AAMDC: variants seen among roughly 807,000 people sequenced by gnomAD.
AAMDC encodes the protein mth938 domain-containing protein.
In AAMDC, 16 loss-of-function variants were observed where a neutral mutation model predicts 15.5. The observed-to-expected ratio is 1.03, with a 90% CI of 0.70 to 1.57. The LOEUF is 1.57. AAMDC is among the 40% of genes most tolerant of loss of function. AAMDC has a pLI of 0.00. For missense variants in AAMDC, 141 were observed against 144.9 expected (o/e 0.97, Z 0.14); for synonymous variants, 51 against 51.6 (o/e 0.99, Z 0.05).
At chr11:77,865,792 T>G (rs889590546) in intron 2 of AAMDC, among the ~76,000 whole-genome samples, 2 of 152,208 alleles carry the variant, frequency 1.3e-5, no homozygotes, top group East Asian at 1.9e-4. Flanking sequence ...TAATTCCACT[T>G]GTATGAAATG....
intron 1 of AAMDC, 115 bp from the exon 2 acceptor site, chr11:77,842,364 T>C: frequency 5.9e-6 from 6 of 1,010,642 alleles, no homozygotes; most frequent in African/African-American, 1.6e-5. Context: ...AACAACCACG[T>C]AAATGAAAAG....
At chr11:77,868,027 T>C (rs1460506737) in intron 2 of AAMDC, among the ~76,000 whole-genome samples, 1 of 151,898 alleles carries the variant, frequency 6.6e-6, no homozygotes, top group African/African-American at 2.4e-5. Context: ...TGACTTTAAC[T>C]GTTCTTCTAG....
chr11:77,869,061 T>C, intron 2 of AAMDC: 1 of 318,832 alleles, frequency 3.1e-6, no homozygotes, highest in Non-Finnish European at 6.0e-6. Context: ...CAGTACCCAT[T>C]CCCTTGATGT....
chr11:77,833,440 C>T (rs890967859), intron 1 of AAMDC, among the ~76,000 whole-genome samples: 3 of 152,062 alleles, frequency 2.0e-5, no homozygotes, highest in Admixed American at 6.5e-5. Context: ...ATAGGGTTCA[C>T]GCATCTATGA....
chr11:77,875,879 A>G (rs1951580452), downstream of AAMDC, among the ~76,000 whole-genome samples: 1 of 152,174 alleles, frequency 6.6e-6, no homozygotes, highest in Non-Finnish European at 1.5e-5. Context: ...ACTACAGGTA[A>G]TTCTGTTCAA....
At chr11:77,852,239 A>AAAAAAAAAAAAAAAAAG (rs1565205847) in intron 2 of AAMDC, among the ~76,000 whole-genome samples, 2 of 133,828 alleles carry the variant, frequency 1.5e-5, no homozygotes, top group Non-Finnish European at 3.1e-5. Context: ...AAAAAAAAAA[A>AAAAAAAAAAAAAAAAAG]AAGAAGAAGA....
At position 77,832,995 on chromosome 11, in the gene AAMDC, GTGTA is replaced by G. The variant is rs1176369509; in HGVS notation, c.-18-9482_-18-9479del. ...TGTGTGTGTGTGTGTGTGTGTGTGT[GTGTA>G]TATATATATATTTTTTTTTTTTTTT... On this transcript the variant is annotated intron_variant, in intron 1 of 3. Transcript: ENST00000393427. 8.3e-4 allele frequency among the ~76,000 whole-genome samples: 62 copies of G among 74,734 alleles called. 1 individual carries two copies. Among genetic ancestry groups the G allele is most frequent in the South Asian group, 2.4e-3 (6 of 2,478 alleles). 49.0% of individuals were successfully genotyped at this position (74,734 alleles called of 152,430 possible).
At chr11:77,852,750 A>G (rs980020166) in intron 2 of AAMDC, among the ~76,000 whole-genome samples, 27 of 152,084 alleles carry the variant, frequency 1.8e-4, no homozygotes, top group African/African-American at 6.3e-4. Context: ...AAATACATAT[A>G]TAAATAATTT....
chr11:77,821,699 G>C (rs1009982011), intron 1 of AAMDC, among the ~76,000 whole-genome samples: 1 of 151,730 alleles, frequency 6.6e-6, no homozygotes. Context: ...CGAAAAGTTT[G>C]TTAGAAGACA....
At chr11:77,882,301 A>G (rs60208812) in intron 5 of AAMDC, among the ~76,000 whole-genome samples, 21,203 of 152,130 alleles carry the variant, frequency 0.14, 1,654 homozygotes, top group Admixed American at 0.2. Flanking sequence ...CCTTAAGAGG[A>G]AATGGGGCCT....
intron 5 of AAMDC, among the ~76,000 whole-genome samples, chr11:77,890,449 T>C (rs568948996): frequency 1.3e-5 from 2 of 152,014 alleles, no homozygotes; most frequent in Non-Finnish European, 2.9e-5. Context: ...ATATCCCTTG[T>C]GCCCTTCTCC....
chr11:77,869,147 TAG>T, intron 2 of AAMDC: 1 of 251,018 alleles, frequency 4.0e-6, no homozygotes, highest in East Asian at 9.6e-5. Context: ...CTAAAAGGCC[TAG>T]AGGACATATA....
At chr11:77,825,183 C>T (rs751876274) in intron 1 of AAMDC, among the ~76,000 whole-genome samples, 5 of 151,912 alleles carry the variant, frequency 3.3e-5, no homozygotes, top group Non-Finnish European at 7.4e-5. Context: ...GGGGTTTCAC[C>T]ATGTTAGCCA....
chr11:77,883,206 C>T (rs1315872980), intron 5 of AAMDC, among the ~76,000 whole-genome samples: 1 of 152,146 alleles, frequency 6.6e-6, no homozygotes, highest in Non-Finnish European at 1.5e-5. Flanking sequence ...CCTCCAGTAA[C>T]AGTGCTCCTG....
At chr11:77,898,907 C>T (rs1952649364) in intron 5 of AAMDC, among the ~76,000 whole-genome samples, 1 of 152,072 alleles carries the variant, frequency 6.6e-6, no homozygotes, top group Non-Finnish European at 1.5e-5. Context: ...GTAGTCCCAG[C>T]TACTTGGGAG....
chr11:77,887,256 G>A (rs1362034865), intron 5 of AAMDC, among the ~76,000 whole-genome samples: 1 of 152,178 alleles, frequency 6.6e-6, no homozygotes, highest in African/African-American at 2.4e-5. Flanking sequence ...TGGGATGCAA[G>A]GCTGGTTCAA....
chr11:77,903,802 C>T (rs1266832218), downstream of AAMDC, among the ~76,000 whole-genome samples: 1 of 152,184 alleles, frequency 6.6e-6, no homozygotes, highest in Non-Finnish European at 1.5e-5. Context: ...ATGGTTTGGG[C>T]TAAATGAATT....
At chr11:77,860,463 T>G (rs1950829199) in intron 2 of AAMDC, among the ~76,000 whole-genome samples, 1 of 152,224 alleles carries the variant, frequency 6.6e-6, no homozygotes, top group Non-Finnish European at 1.5e-5. Context: ...TAGCCTGCTG[T>G]GAGCAGAGCT....
intron 2 of AAMDC, among the ~76,000 whole-genome samples, chr11:77,853,309 TC>T (rs1950477470): frequency 6.6e-6 from 1 of 152,188 alleles, no homozygotes; most frequent in African/African-American, 2.4e-5. Flanking sequence ...GGCTCAGGTT[TC>T]CATAGGCTGT....
Sources: allele counts gnomAD v4.1 joint callset (sites outside exome capture counted in the v4.1 genomes callset), GRCh38; gene constraint gnomAD v4.1.1; transcripts MANE v1.5; gene names NCBI Gene and HGNC (gene_info 2026-07-23, HGNC 2026-07-21).